Variants in FRMD4A observed in about 807,000 individuals in gnomAD.
FRMD4A encodes FERM domain containing 4A.
FRMD4A carries 29 observed loss-of-function variants against 129.1 expected under a neutral mutation model. The ratio of observed to expected loss-of-function variants is 0.22; its 90% CI spans 0.17 to 0.31. The LOEUF is 0.31. FRMD4A is among the 10% of genes least tolerant of loss of function. The probability of loss-of-function intolerance (pLI) is 1.00; values close to 1 mark genes in which losing one functional copy is unlikely to be tolerated. For synonymous variants in FRMD4A, 634 were observed against 571.6 expected, an observed-to-expected ratio of 1.11 and a Z score of -1.56; for missense variants, 1,272 against 1,375.8, an observed-to-expected ratio of 0.92 and a Z score of 1.19.
At chr10:14,328,379 G>T (rs548747479) in intron 2 of FRMD4A, among the ~76,000 whole-genome samples, 33 of 109,912 alleles carry the variant, frequency 3.0e-4, no homozygotes, top group East Asian at 1.8e-3. Context: ...TGGGGGGGGG[G>T]GGTGTATAAC....
chr10:14,314,574 C>A (rs574280131), intron 2 of FRMD4A, among the ~76,000 whole-genome samples: 2 of 152,222 alleles, frequency 1.3e-5, no homozygotes, highest in African/African-American at 4.8e-5. Context: ...CCTCTTTCTG[C>A]TTTTGGACAC....
chr10:14,172,506 C>T (rs1047957238), intron 2 of FRMD4A, among the ~76,000 whole-genome samples: 3 of 152,170 alleles, frequency 2.0e-5, no homozygotes, highest in African/African-American at 7.2e-5. Context: ...AAACTCCCTT[C>T]GAAGTCTACG....
chr10:13,953,945 A>G (rs766931610), intron 2 of FRMD4A, among the ~76,000 whole-genome samples: 2 of 152,136 alleles, frequency 1.3e-5, no homozygotes, highest in Non-Finnish European at 2.9e-5. Flanking sequence ...AGAACTCAGC[A>G]TCATCATCAT....
At chr10:13,913,984 GC>G (rs2094971888) in intron 2 of FRMD4A, among the ~76,000 whole-genome samples, 2 of 152,202 alleles carry the variant, frequency 1.3e-5, no homozygotes, top group African/African-American at 4.8e-5. Flanking sequence ...GGTGAACTTG[GC>G]TAGCAGGTGA....
chr10:14,010,664 CTTTTTTTT>C (rs779471389), intron 2 of FRMD4A, among the ~76,000 whole-genome samples: 6 of 76,418 alleles, frequency 7.9e-5, no homozygotes, highest in Admixed American at 1.9e-4. Context: ...GAGTTTAGGT[CTTTTTTTT>C]TTTTTTTTTT....
chr10:13,699,022 A>G (rs2086517102), intron 14 of FRMD4A, among the ~76,000 whole-genome samples: 2 of 150,882 alleles, frequency 1.3e-5, no homozygotes, highest in Non-Finnish European at 3.0e-5. Context: ...CTCCTAAAAG[A>G]CACGTCTTGT....
intron 2 of FRMD4A, among the ~76,000 whole-genome samples, chr10:14,067,170 G>A (rs927196441): frequency 1.3e-5 from 2 of 151,964 alleles, no homozygotes; most frequent in Admixed American, 6.6e-5. Flanking sequence ...ACAAAAATTA[G>A]CTGGGCGTGG....
intron 4 of FRMD4A, among the ~76,000 whole-genome samples, chr10:13,807,029 G>C (rs547217819): frequency 4.6e-5 from 7 of 152,092 alleles, no homozygotes; most frequent in African/African-American, 7.2e-5. Context: ...GGATGGTCTC[G>C]ATCTCCTGAC....
At chr10:14,165,585 A>G (rs1841130569) in intron 2 of FRMD4A, among the ~76,000 whole-genome samples, 1 of 152,210 alleles carries the variant, frequency 6.6e-6, no homozygotes, top group Non-Finnish European at 1.5e-5. Flanking sequence ...ACTATTCACA[A>G]TAGCAAAGGC....
chr10:13,737,389 C>A (rs2090698488), intron 12 of FRMD4A, among the ~76,000 whole-genome samples: 1 of 152,334 alleles, frequency 6.6e-6, no homozygotes, highest in African/African-American at 2.4e-5. Context: ...CGTGCCCAGC[C>A]TTTCAGCTCT....
chr10:13,693,545 C>T (rs2085921802), intron 15 of FRMD4A: 2 of 1,200,910 alleles, frequency 1.7e-6, no homozygotes, highest in Admixed American at 3.7e-5. Flanking sequence ...CAAGTGGGCA[C>T]ATGAGCGGAT....
Position 13,644,626 on chromosome 10 carries a change from T to C in FRMD4A, c.*2412A>G, listed in dbSNP as rs1483083172. 1 of 152,222 alleles carries C rather than the reference T, an allele frequency of 6.6e-6. No individual in the cohort carries two copies. Among genetic ancestry groups the C allele is most frequent in the Non-Finnish European group, 1.5e-5 (1 of 68,042 alleles). The allele number at this position is 152,222 out of a possible 1,614,324, so 9.4% of individuals were successfully genotyped here. A position where few individuals can be genotyped will look rare whatever the true frequency, so the allele number is the denominator to read the frequency against. The stretch of plus-strand genomic sequence containing the variant: ...AATCTTGATCCAGTTTTCTCCAGAC[T>C]AGATTTCAAGCTACTATGCATGATG... On this transcript the variant is annotated 3_prime_UTR_variant, in exon 25 of 25. Coordinates refer to ENST00000357447, the MANE Select transcript of FRMD4A (RefSeq NM_018027.5).
intron 3 of FRMD4A, among the ~76,000 whole-genome samples, chr10:13,820,337 C>T (rs1341758295): frequency 3.3e-5 from 5 of 152,190 alleles, no homozygotes; most frequent in East Asian, 1.9e-4. Flanking sequence ...GATCTCAGTG[C>T]GAAGCCTGCA....
intron 2 of FRMD4A, among the ~76,000 whole-genome samples, chr10:14,094,791 C>T (rs1409708648): frequency 6.6e-6 from 1 of 152,186 alleles, no homozygotes; most frequent in Admixed American, 6.5e-5. Context: ...TGCAGCCCCC[C>T]AGAAAGATGC....
At chr10:13,907,619 G>A (rs2094895954) in intron 2 of FRMD4A, among the ~76,000 whole-genome samples, 1 of 152,138 alleles carries the variant, frequency 6.6e-6, no homozygotes, top group East Asian at 1.9e-4. Context: ...GAGGAAGTAG[G>A]CAGTAAGTTC....
At chr10:14,173,062 T>C (rs1841556623) in intron 2 of FRMD4A, among the ~76,000 whole-genome samples, 1 of 152,236 alleles carries the variant, frequency 6.6e-6, no homozygotes, top group South Asian at 2.1e-4. Flanking sequence ...AGTCTATTTG[T>C]GTCCAAATCA....
chr10:14,254,459 C>T (rs1190218587), intron 2 of FRMD4A, among the ~76,000 whole-genome samples: 1 of 152,156 alleles, frequency 6.6e-6, no homozygotes, highest in Non-Finnish European at 1.5e-5. Context: ...CCAAGGAAAT[C>T]TTGGCTCTTC....
At chr10:13,707,779 C>T (rs1161644544) in intron 12 of FRMD4A, 7 of 985,280 alleles carry the variant, frequency 7.1e-6, no homozygotes, top group Non-Finnish European at 8.4e-6. Flanking sequence ...AGAGTTCTGT[C>T]GCCCGGAAGG....
At chr10:14,330,318 A>AG (rs1159095136) in intron 1 of FRMD4A, 135 bp from the exon 2 acceptor site, 24 of 548,352 alleles carry the variant, frequency 4.4e-5, no homozygotes, top group South Asian at 5.3e-5. Context: ...AAAAAAAAAA[A>AG]AAGAAGAAGG....
Sources: allele counts gnomAD v4.1 joint callset (sites outside exome capture counted in the v4.1 genomes callset), GRCh38; gene constraint gnomAD v4.1.1; transcripts MANE v1.5; gene names NCBI Gene and HGNC (gene_info 2026-07-23, HGNC 2026-07-21).